NRXN1: variants seen among roughly 807,000 people sequenced by gnomAD.
NRXN1 encodes the protein neurexin-1.
Under a neutral mutation model 150.9 loss-of-function variants are expected in NRXN1, and 39 were observed. The observed-to-expected ratio is 0.26, with a 90% CI of 0.20 to 0.34. NRXN1 has a LOEUF of 0.34. Among genes scored for constraint, NRXN1 ranks in the 10% least tolerant of loss-of-function variants. NRXN1 has a pLI of 1.00. For synonymous variants in NRXN1, 924 were observed against 757.0 expected, an observed-to-expected ratio of 1.22 and a Z score of -3.62; for missense variants, 1,815 against 1,949.9, an observed-to-expected ratio of 0.93 and a Z score of 1.30.
At chr2:49,980,784 G>A (rs991434575) in intron 21 of NRXN1, among the ~76,000 whole-genome samples, 5 of 152,058 alleles carry the variant, frequency 3.3e-5, no homozygotes, top group African/African-American at 9.7e-5. Flanking sequence ...TTTTGTATAT[G>A]CTAGAAAATA....
chr2:50,019,718 G>A (rs1317301829), intron 21 of NRXN1, among the ~76,000 whole-genome samples: 5 of 148,836 alleles, frequency 3.4e-5, no homozygotes, highest in African/African-American at 1.2e-4. Context: ...AGGCCTAGGC[G>A]GGCGGATCAC....
intron 8 of NRXN1, among the ~76,000 whole-genome samples, chr2:50,597,037 G>A (rs550304109): frequency 3.4e-4 from 51 of 151,886 alleles, no homozygotes; most frequent in Non-Finnish European, 6.3e-4. Flanking sequence ...ATTTTTTGTA[G>A]GGATGGGGTT....
chr2:50,007,595 T>C (rs916769493), intron 21 of NRXN1, among the ~76,000 whole-genome samples: 1 of 152,156 alleles, frequency 6.6e-6, no homozygotes, highest in East Asian at 1.9e-4. Flanking sequence ...TATTCCCTAG[T>C]GTATATGTGC....
intron 18 of NRXN1, among the ~76,000 whole-genome samples, chr2:50,171,252 T>TGC (rs1174819850): frequency 6.6e-6 from 1 of 151,664 alleles, no homozygotes; most frequent in Non-Finnish European, 1.5e-5. Context: ...TGTGTGTGTG[T>TGC]GTTTGTGTGT....
At chr2:50,147,067 A>T (rs1708111848) in intron 18 of NRXN1, among the ~76,000 whole-genome samples, 1 of 151,600 alleles carries the variant, frequency 6.6e-6, no homozygotes, top group African/African-American at 2.4e-5. Flanking sequence ...ATGCTCTCTG[A>T]TTGGTGGGTC....
At chr2:50,818,150 CA>C (rs1324433099) in intron 5 of NRXN1, among the ~76,000 whole-genome samples, 1 of 137,744 alleles carries the variant, frequency 7.3e-6, no homozygotes, top group Admixed American at 7.2e-5. Flanking sequence ...AACTAATAAG[CA>C]AAAAAGTTGC....
At chr2:50,694,393 A>G (rs1266438138) in intron 5 of NRXN1, among the ~76,000 whole-genome samples, 6 of 152,200 alleles carry the variant, frequency 3.9e-5, no homozygotes, top group African/African-American at 1.4e-4. Context: ...AGTTGGAATT[A>G]AACCATAAAT....
intron 8 of NRXN1, among the ~76,000 whole-genome samples, chr2:50,576,059 A>G (rs1349647685): frequency 6.6e-6 from 1 of 152,176 alleles, no homozygotes; most frequent in Admixed American, 6.5e-5. Flanking sequence ...AGAAAGAAAC[A>G]ATGTGATTAT....
intron 12 of NRXN1, 54 bp downstream of exon 12, chr2:50,528,571 A>T: frequency 1.0e-6 from 1 of 999,836 alleles, no homozygotes; most frequent in Non-Finnish European, 1.5e-6. Context: ...TTTCTTGACT[A>T]GCTTACATCA....
chr2:50,870,943 T>A (rs977945599), intron 5 of NRXN1, among the ~76,000 whole-genome samples: 4 of 151,956 alleles, frequency 2.6e-5, no homozygotes, highest in African/African-American at 9.7e-5. Flanking sequence ...TTTCATTGAA[T>A]AAGTTAACAA....
intron 17 of NRXN1, among the ~76,000 whole-genome samples, chr2:50,370,863 A>G (rs941479170): frequency 6.6e-6 from 1 of 151,932 alleles, no homozygotes; most frequent in Admixed American, 6.6e-5. Context: ...AAGACTGAAA[A>G]TTACCCTCCT....
chr2:50,459,467 T>A (rs142948916), intron 17 of NRXN1, among the ~76,000 whole-genome samples: 1 of 152,096 alleles, frequency 6.6e-6, no homozygotes, highest in South Asian at 2.1e-4. Context: ...CTCTTCCCAC[T>A]CCACCCTCAA....
chr2:50,037,062 A>G (rs554196330), intron 21 of NRXN1, among the ~76,000 whole-genome samples: 24 of 152,348 alleles, frequency 1.6e-4, no homozygotes, highest in African/African-American at 5.5e-4. Flanking sequence ...AAATGACACA[A>G]AAGGTTAGCT....
chr2:50,110,149 T>C (rs1000155964), intron 18 of NRXN1, among the ~76,000 whole-genome samples: 1 of 151,928 alleles, frequency 6.6e-6, no homozygotes, highest in Non-Finnish European at 1.5e-5. Context: ...GGAAAAGCAA[T>C]AGCCATAACC....
At chr2:50,305,316 G>C (rs2074517528) in intron 17 of NRXN1, among the ~76,000 whole-genome samples, 2 of 152,130 alleles carry the variant, frequency 1.3e-5, no homozygotes, top group African/African-American at 4.8e-5. Flanking sequence ...AAGTAGATGT[G>C]ATTGGCAAAT....
intron 21 of NRXN1, among the ~76,000 whole-genome samples, chr2:49,954,506 T>C (rs890879955): frequency 6.6e-6 from 1 of 152,018 alleles, no homozygotes; most frequent in Non-Finnish European, 1.5e-5. Context: ...CTACAGCATA[T>C]AAATGAACAG....
intron 17 of NRXN1, among the ~76,000 whole-genome samples, chr2:50,406,212 T>C (rs1186952411): frequency 2.0e-5 from 3 of 152,040 alleles, no homozygotes; most frequent in African/African-American, 7.2e-5. Flanking sequence ...TTCACACCTA[T>C]TGGGAGAAGA....
chr2:51,000,629 T>C (rs1239408486), intron 2 of NRXN1, among the ~76,000 whole-genome samples: 2 of 151,944 alleles, frequency 1.3e-5, no homozygotes, highest in Non-Finnish European at 2.9e-5. Context: ...GAGGATTAGA[T>C]GACTAGCAGA....
chr2:50,496,147 G>A, intron 14 of NRXN1, 52 bp from the exon 15 acceptor site: 1 of 1,410,468 alleles, frequency 7.1e-7, no homozygotes, highest in Non-Finnish European at 9.8e-7. Context: ...AAATTTTGAT[G>A]AACCTAAAGT....
Sources: gnomAD v4.1 joint callset for allele counts (sites outside exome capture counted in the v4.1 genomes callset) on GRCh38, gnomAD v4.1.1 for gene constraint, MANE v1.5 for transcripts, NCBI Gene and HGNC (gene_info 2026-07-23, HGNC 2026-07-21) for gene names.